The following TNR variants were observed in gnomAD, a reference collection of about 807,000 sequenced individuals.
TNR encodes the protein tenascin R, also known as tenascin-R.
Under a neutral mutation model 150.4 loss-of-function variants are expected in TNR, and 45 were observed. The ratio of observed to expected loss-of-function variants is 0.30; its 90% confidence interval spans 0.24 to 0.38. The LOEUF (loss-of-function observed/expected upper bound fraction) is 0.38. Ranked by LOEUF, TNR falls within the 10% of genes least tolerant of loss-of-function variation. The pLI is 1.00. For synonymous variants in TNR, 687 were observed against 678.4 expected, an observed-to-expected ratio of 1.01 and a Z score of -0.20; for missense variants, 1,544 against 1,759.1, an observed-to-expected ratio of 0.88 and a Z score of 2.19.
chr1:175,337,455 T>C (rs1213828098), intron 19 of TNR, 73 bp downstream of exon 19: 8 of 1,574,850 alleles, frequency 5.1e-6, no homozygotes, highest in Non-Finnish European at 6.9e-6. Context: ...GAAGTTGGCT[T>C]GGCAGGTGCT....
At chr1:175,415,339 G>A (rs757881878) in intron 2 of TNR, among the ~76,000 whole-genome samples, 1 of 152,130 alleles carries the variant, frequency 6.6e-6, no homozygotes, top group Non-Finnish European at 1.5e-5. Context: ...CATCAGCGCT[G>A]GGCCTTTATT....
At chr1:175,711,065 G>A (rs142992915) in intron 1 of TNR, among the ~76,000 whole-genome samples, 1 of 152,282 alleles carries the variant, frequency 6.6e-6, no homozygotes, top group African/African-American at 2.4e-5. Flanking sequence ...ATGTGCCTCT[G>A]TATGGGGAGA....
At chr1:175,475,368 T>A (rs1010573464) in intron 2 of TNR, among the ~76,000 whole-genome samples, 1 of 152,162 alleles carries the variant, frequency 6.6e-6, no homozygotes, top group East Asian at 1.9e-4. Context: ...GCAGTGTTGG[T>A]GAGTTGGTTA....
intron 1 of TNR, among the ~76,000 whole-genome samples, chr1:175,679,650 A>G (rs1665971113): frequency 6.6e-6 from 1 of 152,328 alleles, no homozygotes; most frequent in African/African-American, 2.4e-5. Flanking sequence ...ATTTCTTGGA[A>G]GAGGCCAGGC....
intron 1 of TNR, among the ~76,000 whole-genome samples, 189 bp downstream of exon 1, chr1:175,743,037 T>C (rs759569509): frequency 1.1e-4 from 16 of 151,416 alleles, no homozygotes; most frequent in Non-Finnish European, 1.6e-4. Context: ...TCGGTAAACA[T>C]AGTTTTGCGC....
chr1:175,437,245 A>T (rs1030607244), intron 2 of TNR, among the ~76,000 whole-genome samples: 4 of 152,362 alleles, frequency 2.6e-5, no homozygotes, highest in Non-Finnish European at 4.4e-5. Context: ...GCTCAACTAC[A>T]TGAAAACTGA....
chr1:175,640,439 C>T (rs1664620985), intron 1 of TNR, among the ~76,000 whole-genome samples: 1 of 152,186 alleles, frequency 6.6e-6, no homozygotes, highest in Admixed American at 6.5e-5. Flanking sequence ...ATCTCTAGCA[C>T]CAATGCCAGC....
chr1:175,471,465 C>G (rs1657286769), intron 2 of TNR, among the ~76,000 whole-genome samples: 2 of 152,198 alleles, frequency 1.3e-5, no homozygotes, highest in African/African-American at 2.4e-5. Flanking sequence ...TGCTCCTACC[C>G]TGTAAACCTG....
chr1:175,329,667 C>T (rs1050023847), intron 21 of TNR, among the ~76,000 whole-genome samples: 11 of 152,180 alleles, frequency 7.2e-5, no homozygotes, highest in African/African-American at 2.4e-4. Flanking sequence ...GATTTCTACC[C>T]AGACAGTAGA....
chr1:175,370,695 C>A (rs528280825), intron 9 of TNR, among the ~76,000 whole-genome samples: 24 of 152,240 alleles, frequency 1.6e-4, no homozygotes, highest in African/African-American at 5.3e-4. Context: ...TTTTATCAGG[C>A]AACTGATTAA....
At chr1:175,563,456 A>G (rs1661510075) in intron 1 of TNR, among the ~76,000 whole-genome samples, 1 of 152,220 alleles carries the variant, frequency 6.6e-6, no homozygotes, top group Non-Finnish European at 1.5e-5. Flanking sequence ...TCAACAGCCT[A>G]TCAAAGGGTA....
intron 1 of TNR, among the ~76,000 whole-genome samples, chr1:175,549,094 C>T (rs1010119420): frequency 2.6e-5 from 4 of 152,222 alleles, no homozygotes; most frequent in African/African-American, 9.7e-5. Context: ...CCATTAATAA[C>T]AAAACAGAGT....
chr1:175,575,773 A>T (rs969377213), intron 1 of TNR, among the ~76,000 whole-genome samples: 15 of 152,180 alleles, frequency 9.9e-5, no homozygotes, highest in African/African-American at 3.4e-4. Flanking sequence ...ACTGTGTATG[A>T]TGGGCTTAGG....
chr1:175,592,936 T>C (rs1662858218), intron 1 of TNR, among the ~76,000 whole-genome samples: 1 of 152,234 alleles, frequency 6.6e-6, no homozygotes, highest in African/African-American at 2.4e-5. Context: ...CTGGGACTTC[T>C]GATTGAAGTG....
At chr1:175,618,488 A>G (rs563554610) in intron 1 of TNR, among the ~76,000 whole-genome samples, 8 of 152,282 alleles carry the variant, frequency 5.3e-5, no homozygotes, top group African/African-American at 1.9e-4. Context: ...ATTGGCAGCC[A>G]CTTAGCTGCT....
intron 1 of TNR, among the ~76,000 whole-genome samples, chr1:175,653,863 AT>A (rs1408067259): frequency 6.6e-6 from 1 of 152,170 alleles, no homozygotes; most frequent in Non-Finnish European, 1.5e-5. Context: ...TTTTTATTTA[AT>A]TTCTAAATTT....
In TNR at chr1:175,567,853, G is replaced by A. The variant is rs1466345051; in HGVS notation, c.-164-39484C>T. 3.3e-5 allele frequency among the ~76,000 whole-genome samples: 5 copies of A among 151,974 alleles called. No homozygotes were observed. The East Asian group carries it at 7.7e-4, about 23-fold the overall frequency. The stretch of plus-strand genomic sequence containing the variant: ...GGATGGACGTTCTTAATGAGCTTCT[G>A]CCAGTCTCACAATTCCTATAGTTTA... On this transcript the variant is annotated intron_variant, in intron 1 of 22. Transcript: ENST00000367674.
rs1379036421 is a variant in TNR at position 175,367,307 on chromosome 1, G to A, written c.1964-10C>T. 3 of 1,612,666 alleles carry A rather than the reference G, an allele frequency of 1.9e-6. No individual in the cohort carries two copies. Among genetic ancestry groups the A allele is most frequent in the South Asian group, 1.1e-5 (1 of 91,052 alleles). ...GTGCCAGGTACCAGATCTATCAGTGGATGGAGAAACAAACATTATTCTGTG... is the reference window on the plus strand; with the variant it reads ...GTGCCAGGTACCAGATCTATCAGTGAATGGAGAAACAAACATTATTCTGTG... On this transcript the variant is annotated splice_polypyrimidine_tract_variant and intron_variant, in intron 9 of 22. Coordinates refer to ENST00000367674, the MANE Select transcript of TNR (RefSeq NM_003285.3).
At chr1:175,708,417 A>G (rs1666902196) in intron 1 of TNR, among the ~76,000 whole-genome samples, 1 of 152,192 alleles carries the variant, frequency 6.6e-6, no homozygotes. Flanking sequence ...AATGATGAAA[A>G]GTAGGGTCTG....
Sources: allele counts gnomAD v4.1 joint callset (sites outside exome capture counted in the v4.1 genomes callset), GRCh38; gene constraint gnomAD v4.1.1; transcripts MANE v1.5; gene names NCBI Gene and HGNC (gene_info 2026-07-23, HGNC 2026-07-21).